The following NUP210L variants were observed in gnomAD, a reference collection of about 807,000 sequenced individuals.
The protein encoded by NUP210L is nucleoporin 210 like, also known as nuclear pore membrane glycoprotein 210-like.
Under a neutral mutation model 208.5 loss-of-function variants are expected in NUP210L, and 74 were observed. The ratio of observed to expected loss-of-function variants is 0.35; its 90% confidence interval spans 0.29 to 0.43. The LOEUF (loss-of-function observed/expected upper bound fraction) is 0.43, where lower values mean the gene tolerates loss of function less well. Ranked by LOEUF, NUP210L falls within the 20% of genes least tolerant of loss-of-function variation. The pLI is 1.00. For synonymous variants in NUP210L, 780 were observed against 816.9 expected (o/e 0.95, Z 0.77); for missense variants, 1,843 against 2,289.4 (o/e 0.81, Z 3.98).
At chr1:154,127,334 T>G (rs781746950) in exon 9 of NUP210L, 5 of 1,590,784 alleles carry the variant, frequency 3.1e-6, no homozygotes, top group Non-Finnish European at 4.3e-6. Context: ...ACCTTTGTGC[T>G]GCTTTTATCA....
chr1:154,100,295 T>A (rs2148062181), intron 13 of NUP210L, 152 bp from the exon 14 acceptor site: 1 of 650,600 alleles, frequency 1.5e-6, no homozygotes, highest in Non-Finnish European at 2.6e-6. Flanking sequence ...ACAAAATATT[T>A]AAAAAATTAG....
chr1:153,992,998 G>C lies in NUP210L; in HGVS notation c.5566+17C>G. On this transcript the variant is annotated intron_variant, in intron 39 of 39. Coordinates refer to ENST00000368559, the Ensembl canonical transcript of NUP210L. Reference sequence around the variant, plus strand: ...TGTATCTGAGCTTTTCAAAGATGAGGACAGAGGCTTTTTTACCTGGCTGTG... The same window carrying C: ...TGTATCTGAGCTTTTCAAAGATGAGCACAGAGGCTTTTTTACCTGGCTGTG... The C allele has an allele frequency of 6.2e-7, 1 of 1,612,408 alleles. No homozygotes were observed. The highest frequency in any genetic ancestry group is 1.3e-5 in the African/African-American group (1 of 74,920).
At chr1:154,091,501 CT>C (rs772608860) in intron 15 of NUP210L, among the ~76,000 whole-genome samples, 3,854 of 124,574 alleles carry the variant, frequency 0.031, 56 homozygotes, top group Non-Finnish European at 0.045. Flanking sequence ...CTTTTCTTTT[CT>C]TTTTTTTTTT....
chr1:154,143,420 T>C, intron 3 of NUP210L, 26 bp downstream of exon 3: 2 of 1,602,146 alleles, frequency 1.2e-6, no homozygotes, highest in Non-Finnish European at 1.7e-6. Context: ...TTAGGTAATT[T>C]TGTTGAATCC....
intron 16 of NUP210L, among the ~76,000 whole-genome samples, chr1:154,088,521 T>TACTCC (rs1425419506): frequency 6.6e-6 from 1 of 152,222 alleles, no homozygotes; most frequent in African/African-American, 2.4e-5. Flanking sequence ...ACTTTTATTC[T>TACTCC]ACTCCACTCA....
intron 37 of NUP210L, chr1:153,995,503 A>G: frequency 1.7e-6 from 1 of 599,036 alleles, no homozygotes. Flanking sequence ...AGAGTAATAC[A>G]ACTCTCTAAT....
At chr1:154,094,625 A>G (rs1306405459) in intron 15 of NUP210L, among the ~76,000 whole-genome samples, 1 of 152,314 alleles carries the variant, frequency 6.6e-6, no homozygotes, top group Middle Eastern at 3.4e-3. Flanking sequence ...CAAATATCCT[A>G]AAGTCTACAA....
intron 7 of NUP210L, among the ~76,000 whole-genome samples, chr1:154,133,007 G>A (rs1341419686): frequency 6.6e-6 from 1 of 152,220 alleles, no homozygotes; most frequent in African/African-American, 2.4e-5. Context: ...TGTGCCCAAA[G>A]TAGAGACATT....
At chr1:154,015,022 TAAAAC>T (rs1651160174) in intron 33 of NUP210L, among the ~76,000 whole-genome samples, 1 of 152,032 alleles carries the variant, frequency 6.6e-6, no homozygotes, top group African/African-American at 2.4e-5. Context: ...ATAAATAAAA[TAAAAC>T]AAAGTTGGGA....
chr1:154,055,123 T>TCTTTCTTTCTTTTC (rs1354059903), intron 23 of NUP210L, among the ~76,000 whole-genome samples: 1 of 117,140 alleles, frequency 8.5e-6, no homozygotes, highest in Non-Finnish European at 1.7e-5. Context: ...TCTTTCTTTC[T>TCTTTCTTTCTTTTC]TTTCTTTCTT....
At chr1:154,088,395 ACT>A (rs946068760) in intron 16 of NUP210L, among the ~76,000 whole-genome samples, 33 of 151,964 alleles carry the variant, frequency 2.2e-4, no homozygotes, top group African/African-American at 7.7e-4. Flanking sequence ...CATGTCTGTA[ACT>A]CACTCTCAAA....
At chr1:154,011,057 GTGGAC>G (rs1025506907) in intron 34 of NUP210L, among the ~76,000 whole-genome samples, 2 of 151,968 alleles carry the variant, frequency 1.3e-5, no homozygotes, top group African/African-American at 4.8e-5. Flanking sequence ...ACAGCAAGAA[GTGGAC>G]TGTTGTTATC....
chr1:154,022,475 G>A (rs1303290629), intron 31 of NUP210L, 132 bp from the exon 32 acceptor site: 2 of 702,176 alleles, frequency 2.8e-6, no homozygotes, highest in African/African-American at 3.6e-5. Flanking sequence ...TAAAGAGTAA[G>A]TAAGTATGGG....
intron 25 of NUP210L, 110 bp from the exon 26 acceptor site, chr1:154,046,479 C>A (rs1195792581): frequency 2.2e-6 from 2 of 903,956 alleles, no homozygotes; most frequent in African/African-American, 3.3e-5. Flanking sequence ...CAGTAAAAAA[C>A]CTTGCCCATG....
intron 17 of NUP210L, 58 bp from the exon 18 acceptor site, chr1:154,061,732 G>T: frequency 9.1e-7 from 1 of 1,104,756 alleles, no homozygotes; most frequent in Non-Finnish European, 1.4e-6. Flanking sequence ...ATACGCAAGT[G>T]TTTCTAGAAA....
At chr1:154,139,864 C>A (rs766255811) in exon 5 of NUP210L, 2 of 1,613,644 alleles carry the variant, frequency 1.2e-6, no homozygotes, top group South Asian at 1.1e-5. Flanking sequence ...ATCCCAGACA[C>A]TAAAATCACA....
chr1:154,019,235 G>GTA (rs1326929590), intron 32 of NUP210L, among the ~76,000 whole-genome samples, 166 bp from the exon 33 acceptor site: 1 of 152,078 alleles, frequency 6.6e-6, no homozygotes, highest in Non-Finnish European at 1.5e-5. Context: ...GTTCCTCTTC[G>GTA]TATATCATGC....
chr1:154,071,627 CTTTTTTTTTTTT>C (rs893742878), intron 16 of NUP210L, among the ~76,000 whole-genome samples: 6 of 99,796 alleles, frequency 6.0e-5, no homozygotes, highest in African/African-American at 8.7e-5. Flanking sequence ...CAATTCATTC[CTTTTTTTTTTTT>C]TTTTTTTTTT....
intron 8 of NUP210L, 40 bp from the exon 9 acceptor site, chr1:154,127,457 A>G: frequency 1.0e-6 from 1 of 968,470 alleles, no homozygotes; most frequent in Non-Finnish European, 1.6e-6. Context: ...AGAAGAGGCT[A>G]ACATTTTTCT....
Sources: gnomAD v4.1 joint callset for allele counts (sites outside exome capture counted in the v4.1 genomes callset) on GRCh38, gnomAD v4.1.1 for gene constraint, MANE v1.5 for transcripts, NCBI Gene and HGNC (gene_info 2026-07-23, HGNC 2026-07-21) for gene names.